Variants in UNC5D observed in about 807,000 individuals in gnomAD.
UNC5D encodes the protein netrin receptor UNC5D.
In UNC5D, 39 loss-of-function variants were observed where a neutral mutation model predicts 105.4. The ratio of observed to expected loss-of-function variants is 0.37; its 90% CI spans 0.29 to 0.48. UNC5D has a LOEUF of 0.48. UNC5D is among the 20% of genes least tolerant of loss of function. The pLI is 0.98. For synonymous variants in UNC5D, 452 were observed against 450.4 expected, an observed-to-expected ratio of 1.00 and a Z score of -0.04; for missense variants, 991 against 1,202.4, an observed-to-expected ratio of 0.82 and a Z score of 2.60.
At chr8:35,253,438 T>C (rs10110672) in intron 1 of UNC5D, among the ~76,000 whole-genome samples, 7,098 of 151,076 alleles carry the variant, frequency 0.047, 194 homozygotes, top group African/African-American at 0.072. Flanking sequence ...ATTTTTTTTT[T>C]CCCTCTGTAG....
intron 1 of UNC5D, among the ~76,000 whole-genome samples, chr8:35,438,919 C>T (rs1807211927): frequency 6.6e-6 from 1 of 152,034 alleles, no homozygotes; most frequent in Non-Finnish European, 1.5e-5. Flanking sequence ...GCTTAAGGGA[C>T]TGCAAGGCTA....
intron 15 of UNC5D, among the ~76,000 whole-genome samples, chr8:35,771,294 G>C (rs1403079176): frequency 6.6e-6 from 1 of 152,110 alleles, no homozygotes; most frequent in Non-Finnish European, 1.5e-5. Context: ...GTGCCATGAG[G>C]GCTTTCAGAG....
At chr8:35,484,098 C>A (rs1211395465) in intron 1 of UNC5D, among the ~76,000 whole-genome samples, 1 of 152,048 alleles carries the variant, frequency 6.6e-6, no homozygotes, top group East Asian at 1.9e-4. Context: ...CTTATCTCTG[C>A]CTGTAGTGAA....
At chr8:35,347,215 T>C (rs1328945319) in intron 1 of UNC5D, among the ~76,000 whole-genome samples, 1 of 152,044 alleles carries the variant, frequency 6.6e-6, no homozygotes, top group Middle Eastern at 3.2e-3. Flanking sequence ...ATTAGATTCT[T>C]TTTGGCAGTG....
intron 15 of UNC5D, among the ~76,000 whole-genome samples, chr8:35,767,972 T>C (rs190677451): frequency 6.6e-6 from 1 of 151,176 alleles, no homozygotes; most frequent in Non-Finnish European, 1.5e-5. Context: ...TAGGGAAACA[T>C]ACATTTTTTG....
At chr8:35,534,656 G>A (rs905983295) in intron 1 of UNC5D, among the ~76,000 whole-genome samples, 3 of 151,914 alleles carry the variant, frequency 2.0e-5, no homozygotes, top group Middle Eastern at 3.4e-3. Context: ...CCATTTTTAA[G>A]TAAAGGTACC....
chr8:35,432,659 G>A (rs1303374378), intron 1 of UNC5D, among the ~76,000 whole-genome samples: 1 of 152,158 alleles, frequency 6.6e-6, no homozygotes, highest in African/African-American at 2.4e-5. Context: ...TTTCAGGGTG[G>A]AATGAGCTGG....
intron 4 of UNC5D, among the ~76,000 whole-genome samples, chr8:35,618,692 A>G (rs1268535463): frequency 6.6e-6 from 1 of 152,118 alleles, no homozygotes; most frequent in East Asian, 1.9e-4. Context: ...ATTATTTTTC[A>G]TTGTACAGAT....
intron 16 of UNC5D, among the ~76,000 whole-genome samples, chr8:35,778,713 C>A (rs765536036): frequency 6.6e-6 from 1 of 152,198 alleles, no homozygotes; most frequent in Non-Finnish European, 1.5e-5. Context: ...GTCCTCAAAT[C>A]ATTAAGGAAA....
chr8:35,658,964 A>G (rs987462250), intron 4 of UNC5D, among the ~76,000 whole-genome samples: 2 of 152,202 alleles, frequency 1.3e-5, no homozygotes, highest in African/African-American at 2.4e-5. Flanking sequence ...AGAGTGACAC[A>G]TTTTTTAAAT....
intron 2 of UNC5D, among the ~76,000 whole-genome samples, chr8:35,564,764 G>A (rs535688982): frequency 4.6e-5 from 7 of 152,148 alleles, no homozygotes. Context: ...CCCCACTTCT[G>A]AGAATCCAGT....
chr8:35,438,308 A>G (rs1807165425), intron 1 of UNC5D, among the ~76,000 whole-genome samples: 2 of 152,036 alleles, frequency 1.3e-5, no homozygotes, highest in South Asian at 4.1e-4. Flanking sequence ...GAATAAGGTT[A>G]GCTACATTTT....
chr8:35,459,893 T>C (rs1204984942), intron 1 of UNC5D, among the ~76,000 whole-genome samples: 2 of 152,214 alleles, frequency 1.3e-5, no homozygotes, highest in Non-Finnish European at 2.9e-5. Context: ...TGCATGAACA[T>C]GGCTCATTAG....
chr8:35,771,212 T>C (rs1801997008), intron 15 of UNC5D, among the ~76,000 whole-genome samples: 1 of 152,204 alleles, frequency 6.6e-6, no homozygotes. Context: ...CAGTTTTCTC[T>C]GAAGATATCA....
chr8:35,252,026 T>TG (rs1383926260), intron 1 of UNC5D, among the ~76,000 whole-genome samples: 1 of 132,204 alleles, frequency 7.6e-6, no homozygotes, highest in African/African-American at 3.0e-5. Context: ...GTTCTTTTTT[T>TG]TTTTTTTTTT....
chr8:35,680,455 T>C (rs1446894523), intron 4 of UNC5D, among the ~76,000 whole-genome samples: 2 of 152,224 alleles, frequency 1.3e-5, no homozygotes, highest in Admixed American at 1.3e-4. Flanking sequence ...CTCATCTTTA[T>C]GCCAGATTTA....
chr8:35,630,570 G>T (rs1041128925), intron 4 of UNC5D, among the ~76,000 whole-genome samples: 3 of 152,112 alleles, frequency 2.0e-5, no homozygotes, highest in African/African-American at 4.8e-5. Context: ...GTTTGACCCT[G>T]TTCTGGCTCT....
chr8:35,461,084 G>T (rs754018421), intron 1 of UNC5D, among the ~76,000 whole-genome samples: 1 of 152,164 alleles, frequency 6.6e-6, no homozygotes, highest in African/African-American at 2.4e-5. Context: ...ATAAAATCTG[G>T]TGGCTCTGTG....
intron 4 of UNC5D, among the ~76,000 whole-genome samples, chr8:35,675,531 C>T (rs1825149982): frequency 6.6e-6 from 1 of 152,124 alleles, no homozygotes; most frequent in African/African-American, 2.4e-5. Flanking sequence ...ATATGAACAA[C>T]TCCATTTGAT....
Sources: allele counts gnomAD v4.1 joint callset (sites outside exome capture counted in the v4.1 genomes callset), GRCh38; gene constraint gnomAD v4.1.1; transcripts MANE v1.5; gene names NCBI Gene and HGNC (gene_info 2026-07-23, HGNC 2026-07-21).